The following CCSER1 variants were observed in gnomAD, a reference collection of about 807,000 sequenced individuals.
CCSER1 encodes the protein serine-rich coiled-coil domain-containing protein 1.
Under a neutral mutation model 82.0 loss-of-function variants are expected in CCSER1, and 41 were observed. The observed-to-expected ratio is 0.50, with a 90% confidence interval of 0.39 to 0.65. The LOEUF is 0.65. CCSER1 is among the 30% of genes least tolerant of loss of function. The pLI is 0.00. For missense variants in CCSER1, 1,119 were observed against 1,064.2 expected, an observed-to-expected ratio of 1.05 and a Z score of -0.72; for synonymous variants, 414 against 383.9, an observed-to-expected ratio of 1.08 and a Z score of -0.92.
Position 90,164,451 on chromosome 4 carries a change from T to C in CCSER1, c.-42+36620T>C, listed in dbSNP as rs372821322. ...CTGCTGTTGGACAAAAAAGAATCTG[T>C]ACTTGTGTTGCTGGGCTTTTGAGAT... On this transcript the variant is annotated intron_variant, in intron 1 of 10. Transcript: ENST00000509176. Among the ~76,000 whole-genome samples, 4 of 152,130 alleles carry C rather than the reference T, an allele frequency of 2.6e-5. No individual in the cohort carries two copies. In the East Asian group the frequency reaches 7.7e-4, roughly 29 times the overall value.
chr4:90,732,706 C>T (rs552376146), intron 7 of CCSER1, among the ~76,000 whole-genome samples: 1 of 152,210 alleles, frequency 6.6e-6, no homozygotes, highest in South Asian at 2.1e-4. Context: ...TTTCTAAGCA[C>T]TATATATTAA....
chr4:90,533,003 G>C (rs1296525224), intron 5 of CCSER1, among the ~76,000 whole-genome samples: 1 of 151,772 alleles, frequency 6.6e-6, no homozygotes, highest in Non-Finnish European at 1.5e-5. Flanking sequence ...GATTTTACAG[G>C]GTTGAGGGTC....
chr4:90,656,739 C>T (rs1352665877), intron 6 of CCSER1, among the ~76,000 whole-genome samples: 6 of 151,536 alleles, frequency 4.0e-5, no homozygotes, highest in Non-Finnish European at 8.9e-5. Flanking sequence ...TTTGTATCTC[C>T]TTGAAATAAT....
intron 8 of CCSER1, among the ~76,000 whole-genome samples, chr4:90,874,422 A>T (rs1210102271): frequency 7.6e-6 from 1 of 132,244 alleles, no homozygotes; most frequent in Admixed American, 7.3e-5. Context: ...ACTTTAGAAG[A>T]AGTTTTTTTT....
At chr4:91,083,245 G>A (rs1348307451) in intron 9 of CCSER1, among the ~76,000 whole-genome samples, 1 of 152,154 alleles carries the variant, frequency 6.6e-6, no homozygotes, top group Non-Finnish European at 1.5e-5. Context: ...AAAATGATGA[G>A]TTCATGTCCT....
At chr4:91,024,656 G>C (rs1403248462) in intron 9 of CCSER1, among the ~76,000 whole-genome samples, 2 of 151,884 alleles carry the variant, frequency 1.3e-5, no homozygotes, top group Non-Finnish European at 2.9e-5. Flanking sequence ...AGAAAATAAA[G>C]TACTGATTTA....
chr4:90,646,937 TC>T (rs1390658072), intron 6 of CCSER1, among the ~76,000 whole-genome samples: 1 of 152,120 alleles, frequency 6.6e-6, no homozygotes, highest in Non-Finnish European at 1.5e-5. Context: ...CTTAGTACTC[TC>T]TACAAATACC....
intron 3 of CCSER1, among the ~76,000 whole-genome samples, chr4:90,381,065 A>G (rs1446954689): frequency 1.3e-5 from 2 of 152,222 alleles, no homozygotes; most frequent in Non-Finnish European, 2.9e-5. Context: ...TGAATGTAGC[A>G]AGAACAGAGG....
At chr4:90,175,845 A>G (rs998165572) in intron 1 of CCSER1, among the ~76,000 whole-genome samples, 6 of 152,094 alleles carry the variant, frequency 3.9e-5, no homozygotes, top group Admixed American at 1.3e-4. Flanking sequence ...AGCTACTCAA[A>G]AGAGTGTGAG....
intron 10 of CCSER1, among the ~76,000 whole-genome samples, chr4:91,389,751 T>C (rs1435938587): frequency 6.6e-6 from 1 of 152,088 alleles, no homozygotes; most frequent in Non-Finnish European, 1.5e-5. Flanking sequence ...CTTTGATCTA[T>C]TTCTCAAAGT....
rs190172944 is a variant in CCSER1, at chr4:91,564,045, C to T, written c.2218-34527C>T. Among the ~76,000 whole-genome samples the T allele has an allele frequency of 7.6e-3, 1,153 of 151,838 alleles. 8 individuals are homozygous for T. The highest frequency in any genetic ancestry group is 0.012 in the Non-Finnish European group (799 of 67,830). On this transcript the variant is annotated intron_variant, in intron 10 of 10. Coordinates refer to ENST00000509176, the MANE Select transcript of CCSER1 (RefSeq NM_001145065.2). ...CTGCTCCTTTCCCTACTCCCAGCCT[C>T]CCCCATTAATAGACCCCAGTGTCTG... is the stretch of plus-strand genomic sequence containing the variant.
At chr4:91,222,957 A>G (rs1737869905) in intron 10 of CCSER1, among the ~76,000 whole-genome samples, 1 of 152,192 alleles carries the variant, frequency 6.6e-6, no homozygotes. Context: ...TGGTGTAAAA[A>G]AATCACAACT....
chr4:91,412,374 T>C (rs1753105337), intron 10 of CCSER1, among the ~76,000 whole-genome samples: 1 of 151,974 alleles, frequency 6.6e-6, no homozygotes, highest in South Asian at 2.1e-4. Flanking sequence ...AACTATATTC[T>C]GAGGCCAATA....
intron 10 of CCSER1, among the ~76,000 whole-genome samples, chr4:91,464,040 G>T (rs1172540435): frequency 2.0e-5 from 3 of 152,078 alleles, no homozygotes; most frequent in African/African-American, 7.2e-5. Flanking sequence ...GCAACTCCAA[G>T]ACACATAATT....
chr4:90,450,210 C>T (rs565626724), intron 4 of CCSER1, among the ~76,000 whole-genome samples: 71 of 152,238 alleles, frequency 4.7e-4, no homozygotes, highest in African/African-American at 1.5e-3. Context: ...CCACTTGGAG[C>T]ATGATGGCCT....
intron 1 of CCSER1, among the ~76,000 whole-genome samples, chr4:90,158,687 C>G (rs1024069894): frequency 6.6e-6 from 1 of 152,192 alleles, no homozygotes; most frequent in African/African-American, 2.4e-5. Flanking sequence ...GAGCCAGGTG[C>G]GGGATATAAT....
At chr4:91,532,718 A>G (rs892847954) in intron 10 of CCSER1, among the ~76,000 whole-genome samples, 3 of 151,976 alleles carry the variant, frequency 2.0e-5, no homozygotes, top group African/African-American at 7.2e-5. Context: ...AAATATGAAA[A>G]TTAGATGGGT....
intron 9 of CCSER1, among the ~76,000 whole-genome samples, chr4:91,084,935 GAAA>G (rs897530969): frequency 1.8e-4 from 28 of 151,576 alleles, no homozygotes; most frequent in Middle Eastern, 3.5e-3. Context: ...GTAGCCAAAT[GAAA>G]AAAAAGTTAT....
intron 5 of CCSER1, among the ~76,000 whole-genome samples, chr4:90,532,874 T>G (rs946371315): frequency 1.1e-4 from 17 of 152,128 alleles, no homozygotes; most frequent in African/African-American, 4.1e-4. Flanking sequence ...CTATCTTGGC[T>G]TTTTTGTATT....
Sources: allele counts gnomAD v4.1 joint callset (sites outside exome capture counted in the v4.1 genomes callset), GRCh38; gene constraint gnomAD v4.1.1; transcripts MANE v1.5; gene names NCBI Gene and HGNC (gene_info 2026-07-23, HGNC 2026-07-21).